PRUNE2: variants seen among roughly 807,000 people sequenced by gnomAD.
The protein encoded by PRUNE2 is protein prune homolog 2.
A neutral mutation model predicts 252.0 loss-of-function variants in PRUNE2; 164 were observed. That is an observed-to-expected ratio of 0.65 (90% CI 0.57 to 0.74). PRUNE2 has a LOEUF of 0.74. Ranked by LOEUF, PRUNE2 falls within the 30% of genes least tolerant of loss-of-function variation. The probability of loss-of-function intolerance (pLI) is 0.00; values close to 1 mark genes in which losing one functional copy is unlikely to be tolerated. For missense variants in PRUNE2, 3,495 were observed against 3,711.0 expected, an observed-to-expected ratio of 0.94 and a Z score of 1.51; for synonymous variants, 1,292 against 1,350.2, an observed-to-expected ratio of 0.96 and a Z score of 0.94.
At chr9:76,674,528 C>G (rs1446215463) in intron 9 of PRUNE2, among the ~76,000 whole-genome samples, 11 of 151,884 alleles carry the variant, frequency 7.2e-5, no homozygotes, top group Non-Finnish European at 8.8e-5. Context: ...CATCAAGCTA[C>G]CAATGACTTT....
At chr9:76,875,226 T>G (rs1389962061) in intron 1 of PRUNE2, among the ~76,000 whole-genome samples, 1 of 151,246 alleles carries the variant, frequency 6.6e-6, no homozygotes, top group Non-Finnish European at 1.5e-5. Flanking sequence ...CTTTTTTCTG[T>G]GAAATCTACA....
At chr9:76,787,264 CTTTA>C (rs1266010070) in intron 6 of PRUNE2, 1 of 147,876 alleles carries the variant, frequency 6.8e-6, no homozygotes. Flanking sequence ...CTTTTATTCT[CTTTA>C]TTATTATTAT....
In PRUNE2 at chr9:76,706,317, T is replaced by A. The variant is rs560207383; in HGVS notation, c.5957A>T (p.Asn1986Ile). The A allele has an allele frequency of 6.2e-7, 1 of 1,613,790 alleles. No homozygotes were observed. Among genetic ancestry groups the A allele is most frequent in the Non-Finnish European group, 8.5e-7 (1 of 1,179,786 alleles). ...TTCTTGACCTTCATTAGTTGAAACA[T>A]TAGATGTAACACAACTATTTTCCTC... ...HAEENSCVTS[N>I]VSTNEGQETN... Residue 1986 changes from asparagine (N) to isoleucine (I), a missense_variant, in exon 8 of 19, where the codon AAT (asparagine) becomes ATT (isoleucine). By Grantham distance (149) the Asn-to-Ile change is moderately radical. Coordinates refer to ENST00000376718, the MANE Select transcript of PRUNE2 (RefSeq NM_015225.3).
intron 1 of PRUNE2, among the ~76,000 whole-genome samples, chr9:76,868,604 G>A (rs57874200): frequency 0.073 from 11,180 of 152,130 alleles, 603 homozygotes; most frequent in Admixed American, 0.17. Context: ...GTGTCTCTAA[G>A]ACAAAGGACT....
chr9:76,731,322 A>ATTT (rs1415899404), intron 6 of PRUNE2, among the ~76,000 whole-genome samples: 2 of 101,514 alleles, frequency 2.0e-5, no homozygotes, highest in Admixed American at 1.2e-4. Flanking sequence ...ATATATATAT[A>ATTT]TATTTTTTTT....
chr9:76,656,520 T>A (rs945459578), intron 9 of PRUNE2, among the ~76,000 whole-genome samples: 1 of 152,172 alleles, frequency 6.6e-6, no homozygotes, highest in Admixed American at 6.5e-5. Flanking sequence ...TTAATCTGCT[T>A]CTCCAGGATG....
At chr9:76,812,695 G>T (rs1240505366) in intron 6 of PRUNE2, among the ~76,000 whole-genome samples, 2 of 152,172 alleles carry the variant, frequency 1.3e-5, no homozygotes, top group African/African-American at 2.4e-5. Flanking sequence ...ATAACAGAAG[G>T]ATTTATAGAA....
chr9:76,697,450 G>T (rs547361595), intron 9 of PRUNE2, among the ~76,000 whole-genome samples: 18 of 152,290 alleles, frequency 1.2e-4, no homozygotes, highest in African/African-American at 4.3e-4. Flanking sequence ...ACCACAGATG[G>T]GGAGCAGCCC....
chr9:76,850,634 A>C lies in PRUNE2; in HGVS notation c.173T>G (p.Val58Gly), dbSNP rs747201478. 1.2e-6 allele frequency: 2 copies of C among 1,614,104 alleles called. No homozygotes were observed. ...GAATTCAGTTCTTGGTATGTTCAGC[A>C]CTGGTAAACACAGAACCCCTGGTGG... Reference protein sequence around the residue: ...VSPPGVLCLPVLNIPRTEFNY... With the variant: ...VSPPGVLCLPGLNIPRTEFNY... Residue 58 changes from valine (V) to glycine (G), a missense_variant, in exon 3 of 19, where the codon GTG (valine) becomes GGG (glycine). Transcript: ENST00000376718.
intron 15 of PRUNE2, among the ~76,000 whole-genome samples, chr9:76,633,663 A>G (rs1274190862): frequency 6.6e-6 from 1 of 152,184 alleles, no homozygotes; most frequent in Non-Finnish European, 1.5e-5. Context: ...CTATAATGGC[A>G]GAATTGAGTA....
In PRUNE2 at chr9:76,707,477, CACTTTGGTAACTATTTCT is replaced by C; in HGVS notation, c.4779_4796del (p.Glu1594_Val1599del). 6.2e-7 allele frequency: 1 copy of C among 1,613,900 alleles called. No individual in the cohort carries two copies. The highest frequency in any genetic ancestry group is 8.5e-7 in the Non-Finnish European group (1 of 1,179,862). ...TTATTCTGTTTTTCTCTAAATCCTT[CACTTTGGTAACTATTTCT>C]ACTTGGCCATCAGTGGTAATTAGTT... On this transcript the variant is annotated inframe_deletion, in exon 8 of 19. Transcript: ENST00000376718.
rs28575308 is a variant in PRUNE2, at chr9:76,775,814, C to T, written c.756+47818G>A. 4.6e-3 allele frequency among the ~76,000 whole-genome samples: 704 copies of T among 152,366 alleles called. 3 individuals carry two copies. The highest frequency in any genetic ancestry group is 0.016 in the African/African-American group (668 of 41,586). ...ATTGCTCACCCGGCCTTCATGCCGG[C>T]TATGCAGGCCCATTTCTAACACATC... On this transcript the variant is annotated intron_variant, in intron 6 of 18. Coordinates refer to ENST00000376718, the MANE Select transcript of PRUNE2 (RefSeq NM_015225.3).
intron 6 of PRUNE2, among the ~76,000 whole-genome samples, chr9:76,749,358 C>T (rs2050411827): frequency 6.6e-6 from 1 of 152,156 alleles, no homozygotes; most frequent in African/African-American, 2.4e-5. Flanking sequence ...CTTCTCACCC[C>T]CAAGTTTTCA....
At chr9:76,728,091 G>A (rs2048277081) in intron 6 of PRUNE2, among the ~76,000 whole-genome samples, 1 of 152,032 alleles carries the variant, frequency 6.6e-6, no homozygotes. Flanking sequence ...TCTCCATAAT[G>A]GTAACCTAAA....
intron 1 of PRUNE2, chr9:76,868,840 G>GC (rs1176825277): frequency 1.0e-5 from 1 of 100,494 alleles, no homozygotes; most frequent in Admixed American, 8.9e-5. Context: ...TGGGGGGTGG[G>GC]GGGGGGGGCG....
At chr9:76,715,026 T>C (rs1297235284) in intron 6 of PRUNE2, among the ~76,000 whole-genome samples, 2 of 152,220 alleles carry the variant, frequency 1.3e-5, no homozygotes, top group East Asian at 1.9e-4. Flanking sequence ...AAGATTCTGT[T>C]CATTTTTTCT....
In PRUNE2 at chr9:76,644,909, T is replaced by C; in HGVS notation, c.8558A>G (p.Asp2853Gly). ...EADSFEYTGHDPTANKDSGQE... is the reference protein window; with the variant it reads ...EADSFEYTGHGPTANKDSGQE... Reference sequence around the variant, plus strand: ...GCCAGAATCTTTGTTGGCTGTGGGATCTTCTGGAAACAAAGCACAGAGCAA... The same window carrying C: ...GCCAGAATCTTTGTTGGCTGTGGGACCTTCTGGAAACAAAGCACAGAGCAA... Residue 2853 changes from aspartate to glycine, a missense_variant and splice_region_variant, in exon 12 of 19, where the codon GAT becomes GGT. Transcript: ENST00000376718. The C allele has an allele frequency of 6.2e-7, 1 of 1,612,964 alleles. No homozygotes were observed.
At chr9:76,887,954 C>T (rs533142689) in intron 1 of PRUNE2, among the ~76,000 whole-genome samples, 2 of 152,288 alleles carry the variant, frequency 1.3e-5, no homozygotes, top group East Asian at 3.9e-4. Context: ...CCAAGCTAAA[C>T]AAAGTTCCAC....
intron 1 of PRUNE2, among the ~76,000 whole-genome samples, chr9:76,867,322 A>G (rs993569266): frequency 6.6e-6 from 1 of 151,630 alleles, no homozygotes; most frequent in African/African-American, 2.4e-5. Flanking sequence ...ATGGGTACCC[A>G]ACAAAGAAAA....
Sources: allele counts gnomAD v4.1 joint callset (sites outside exome capture counted in the v4.1 genomes callset), GRCh38; gene constraint gnomAD v4.1.1; transcripts MANE v1.5; gene names NCBI Gene and HGNC (gene_info 2026-07-23, HGNC 2026-07-21).